SNX27: variants seen among roughly 807,000 people sequenced by gnomAD.
SNX27 encodes sorting nexin 27.
SNX27 carries 22 observed loss-of-function variants against 71.6 expected under a neutral mutation model. That is an observed-to-expected ratio of 0.31 (90% CI 0.22 to 0.44). The LOEUF is 0.44. SNX27 is among the 20% of genes least tolerant of loss of function. The pLI is 1.00. For synonymous variants in SNX27, 269 were observed against 277.2 expected (o/e 0.97, Z 0.29); for missense variants, 531 against 698.6 (o/e 0.76, Z 2.70).
intron 1 of SNX27, among the ~76,000 whole-genome samples, chr1:151,623,250 C>T (rs970957790): frequency 6.6e-6 from 1 of 152,180 alleles, no homozygotes; most frequent in Admixed American, 6.5e-5. Context: ...AAGTGATTCT[C>T]CTGACTCAGC....
chr1:151,633,558 CA>C (rs1668339804), intron 1 of SNX27, among the ~76,000 whole-genome samples: 3 of 39,906 alleles, frequency 7.5e-5, no homozygotes, highest in Non-Finnish European at 2.8e-4. Flanking sequence ...CTCTGCCTCC[CA>C]CAGTGCTGGG....
chr1:151,694,418 C>G lies in SNX27; in HGVS notation c.*1C>G. The G allele has an allele frequency of 6.5e-7, 1 of 1,550,346 alleles. No individual in the cohort carries two copies. The highest frequency in any genetic ancestry group is 8.7e-7 in the Non-Finnish European group (1 of 1,146,854). On this transcript the variant is annotated 3_prime_UTR_variant, in exon 12 of 12. Transcript: ENST00000458013. ...ACAGCAGAGAGATGTGGCCACCTAGCCTTTCCTTATCCCCTTCCCTTCCCT... is the reference window on the plus strand; with the variant it reads ...ACAGCAGAGAGATGTGGCCACCTAGGCTTTCCTTATCCCCTTCCCTTCCCT...
At chr1:151,652,881 G>A (rs1279105049) in intron 2 of SNX27, among the ~76,000 whole-genome samples, 2 of 151,132 alleles carry the variant, frequency 1.3e-5, no homozygotes, top group African/African-American at 4.9e-5. Context: ...TTCAACATCT[G>A]GGTCATCTCT....
At chr1:151,632,001 G>A (rs914169943) in intron 1 of SNX27, among the ~76,000 whole-genome samples, 2 of 152,086 alleles carry the variant, frequency 1.3e-5, no homozygotes, top group Non-Finnish European at 2.9e-5. Flanking sequence ...GTGAAATCTA[G>A]GCCTCCTAAG....
chr1:151,693,387 T>G, intron 10 of SNX27, 37 bp from the exon 11 acceptor site: 1 of 1,604,248 alleles, frequency 6.2e-7, no homozygotes. Flanking sequence ...ATGCCTGCTC[T>G]TGAGAAGTTA....
chr1:151,677,570 AT>A (rs1156648395), intron 7 of SNX27: 2 of 152,084 alleles, frequency 1.3e-5, no homozygotes, highest in Non-Finnish European at 1.5e-5. Context: ...TTTTAAATGT[AT>A]TTTTTATTTA....
chr1:151,675,905 C>T (rs969364319), intron 7 of SNX27: 3 of 133,986 alleles, frequency 2.2e-5, no homozygotes, highest in African/African-American at 8.4e-5. Context: ...TAGTTCACTG[C>T]ATCCTCTACC....
At chr1:151,663,009 A>G (rs1246752176) in intron 5 of SNX27, among the ~76,000 whole-genome samples, 1 of 152,136 alleles carries the variant, frequency 6.6e-6, no homozygotes, top group African/African-American at 2.4e-5. Flanking sequence ...CAGTGCCATT[A>G]TCAAACCTTA....
Position 151,695,410 on chromosome 1 carries a change from C to CTTTTTTTTT in SNX27, c.*1011_*1019dup, listed in dbSNP as rs894749899. On this transcript the variant is annotated 3_prime_UTR_variant, in exon 12 of 12. Transcript: ENST00000458013. ...GGTAGTAATTTCCTGTTTTCCTTGCCTTTTTTTTTTTTTTTTTTTTTTTTT... is the reference window on the plus strand; with the variant it reads ...GGTAGTAATTTCCTGTTTTCCTTGCCTTTTTTTTTTTTTTTTTTTTTTTTTTTTTTTTTT... 1 of 57,190 alleles carries CTTTTTTTTT rather than the reference C, an allele frequency of 1.7e-5. No individual in the cohort carries two copies. The highest frequency in any genetic ancestry group is 7.9e-4 in the East Asian group (1 of 1,260). 3.5% of individuals were successfully genotyped at this position (57,190 alleles called of 1,614,324 possible).
chr1:151,651,985 C>G lies in SNX27; in HGVS notation c.544-6250C>G, dbSNP rs529793623. On this transcript the variant is annotated intron_variant, in intron 2 of 11. Transcript: ENST00000458013. ...GAGGCCGAGGCTGGCGGATCACTTG[C>G]GGTTAGGGGCTGGAGACCAGCTCGG... Among the ~76,000 whole-genome samples the G allele has an allele frequency of 3.3e-5, 5 of 152,274 alleles. No individual in the cohort carries two copies. In the South Asian group the frequency reaches 8.3e-4, roughly 25 times the overall value.
At chr1:151,641,962 G>T (rs1313342824) in intron 2 of SNX27, among the ~76,000 whole-genome samples, 2 of 31,076 alleles carry the variant, frequency 6.4e-5, no homozygotes, top group East Asian at 4.4e-4. Context: ...AGATATATAT[G>T]AGATATATAT....
chr1:151,619,199 C>T (rs376384844), intron 1 of SNX27, among the ~76,000 whole-genome samples: 5 of 151,952 alleles, frequency 3.3e-5, no homozygotes, highest in Non-Finnish European at 5.9e-5. Context: ...AAGTTAGCCA[C>T]GTGTGGTGGC....
In SNX27 at chr1:151,698,769, C is replaced by T. The variant is rs1671903783; in HGVS notation, c.*4352C>T. On this transcript the variant is annotated 3_prime_UTR_variant, in exon 12 of 12. Coordinates refer to ENST00000458013, the MANE Select transcript of SNX27 (RefSeq NM_001330723.2). ...ATACGGGGTGGGGGCACTTGGCCGC[C>T]TGCTAAACTTGGACATTAATTTTAT... The T allele has an allele frequency of 6.6e-6, 1 of 152,662 alleles. No individual in the cohort carries two copies. Among genetic ancestry groups the T allele is most frequent in the African/African-American group, 2.4e-5 (1 of 41,448 alleles). The allele number at this position is 152,662 out of a possible 1,614,324, so 9.5% of individuals were successfully genotyped here.
chr1:151,683,570 G>A, intron 8 of SNX27, 125 bp downstream of exon 8: 1 of 555,758 alleles, frequency 1.8e-6, no homozygotes, highest in Non-Finnish European at 3.1e-6. Context: ...AAAAGGAGGG[G>A]AATAGGGACC....
rs192264473 is a variant in SNX27 at position 151,642,481 on chromosome 1, T to G, written c.543+3362T>G. Among the ~76,000 whole-genome samples the G allele has an allele frequency of 2.8e-3, 426 of 152,290 alleles. 1 individual carries two copies. Among genetic ancestry groups the G allele is most frequent in the African/African-American group, 9.5e-3 (396 of 41,576 alleles). On this transcript the variant is annotated intron_variant, in intron 2 of 11. Transcript: ENST00000458013. ...CTTTCAAGGAACAGAAATTTTAAAT[T>G]TTGATATAGTCTCGTTTATCAGTTT...
chr1:151,615,591 G>GGGACATGCAA, intron 1 of SNX27: 6 of 526,754 alleles, frequency 1.1e-5, no homozygotes, highest in Non-Finnish European at 1.5e-5. Flanking sequence ...TCCCAGGAAA[G>GGGACATGCAA]CTTTGCATGT....
rs745946161 is a variant in SNX27, at chr1:151,694,350, C to CTT, written c.1579-10_1579-9dup. The CTT allele has an allele frequency of 7.5e-6, 9 of 1,193,218 alleles. No homozygotes were observed. The highest frequency in any genetic ancestry group is 6.3e-5 in the African/African-American group (4 of 63,724). 73.9% of individuals were successfully genotyped at this position (1,193,218 alleles called of 1,614,324 possible). A position where few individuals can be genotyped will look rare whatever the true frequency, so the allele number is the denominator to read the frequency against. ...GAGGAGATGTGCCTTCCCAATAACT[C>CTT]TTTTTTTTTTTCCTTTCAGAACATT... On this transcript the variant is annotated intron_variant, in intron 11 of 11. Transcript: ENST00000458013.
intron 1 of SNX27, among the ~76,000 whole-genome samples, chr1:151,636,254 A>G (rs1032428670): frequency 1.3e-5 from 2 of 152,264 alleles, no homozygotes; most frequent in African/African-American, 4.8e-5. Flanking sequence ...TGCGTTTCAT[A>G]AAATTGATTG....
intron 5 of SNX27, among the ~76,000 whole-genome samples, chr1:151,665,446 A>G (rs1356940418): frequency 6.6e-6 from 1 of 152,240 alleles, no homozygotes; most frequent in Non-Finnish European, 1.5e-5. Flanking sequence ...TAGCCAGAAT[A>G]TAATTGACAA....
Sources: allele counts gnomAD v4.1 joint callset (sites outside exome capture counted in the v4.1 genomes callset), GRCh38; gene constraint gnomAD v4.1.1; transcripts MANE v1.5; gene names NCBI Gene and HGNC (gene_info 2026-07-23, HGNC 2026-07-21).